ELMO1: variants seen among roughly 807,000 people sequenced by gnomAD.
The protein encoded by ELMO1 is engulfment and cell motility 1, also known as engulfment and cell motility protein 1.
ELMO1 carries 26 observed loss-of-function variants against 98.9 expected under a neutral mutation model. The ratio of observed to expected loss-of-function variants is 0.26; its 90% CI spans 0.19 to 0.36. The LOEUF (loss-of-function observed/expected upper bound fraction) is 0.36, where lower values mean the gene tolerates loss of function less well. ELMO1 is among the 10% of genes least tolerant of loss of function. The pLI, the probability that ELMO1 is intolerant of heterozygous loss-of-function variation, is 1.00. For synonymous variants in ELMO1, 346 were observed against 346.0 expected, an observed-to-expected ratio of 1.00 and a Z score of 0.00; for missense variants, 627 against 935.2, an observed-to-expected ratio of 0.67 and a Z score of 4.30.
At chr7:37,242,859 C>T (rs1794826119) in intron 7 of ELMO1, among the ~76,000 whole-genome samples, 2 of 152,150 alleles carry the variant, frequency 1.3e-5, no homozygotes, top group African/African-American at 4.8e-5. Context: ...AGGCTCTCTG[C>T]CACCCCATGC....
At chr7:37,346,467 G>A (rs1256461725) in intron 1 of ELMO1, among the ~76,000 whole-genome samples, 5 of 152,210 alleles carry the variant, frequency 3.3e-5, no homozygotes, top group Non-Finnish European at 7.3e-5. Flanking sequence ...GACTTGTTAA[G>A]TAATTATAGT....
At chr7:36,892,773 C>T (rs895902623) in intron 17 of ELMO1, among the ~76,000 whole-genome samples, 1 of 152,164 alleles carries the variant, frequency 6.6e-6, no homozygotes, top group Non-Finnish European at 1.5e-5. Flanking sequence ...GTCCCTGGCC[C>T]ACCTGCTTAA....
chr7:37,115,557 T>TA (rs140831801), intron 14 of ELMO1, among the ~76,000 whole-genome samples: 9,913 of 151,188 alleles, frequency 0.066, 314 homozygotes, highest in African/African-American at 0.08. Context: ...TCATTCATGA[T>TA]AAAAAAAAAC....
chr7:37,151,423 G>A (rs548965548), intron 13 of ELMO1, among the ~76,000 whole-genome samples: 39 of 152,234 alleles, frequency 2.6e-4, no homozygotes, highest in African/African-American at 8.4e-4. Flanking sequence ...GCCGGCTCCC[G>A]GTGGTCCCCT....
At chr7:37,225,569 G>T (rs1447680916) in intron 8 of ELMO1, among the ~76,000 whole-genome samples, 2 of 152,148 alleles carry the variant, frequency 1.3e-5, no homozygotes, top group Non-Finnish European at 1.5e-5. Flanking sequence ...TCTCTTAAAC[G>T]AAAAACTCGT....
intron 16 of ELMO1, among the ~76,000 whole-genome samples, chr7:36,913,482 T>A (rs1199205802): frequency 1.3e-5 from 2 of 152,136 alleles, no homozygotes; most frequent in Admixed American, 1.3e-4. Flanking sequence ...GCACACAGAG[T>A]TTGACCAACT....
intron 14 of ELMO1, among the ~76,000 whole-genome samples, chr7:37,117,901 G>A (rs901836584): frequency 3.8e-4 from 58 of 152,090 alleles, no homozygotes; most frequent in African/African-American, 1.4e-3. Flanking sequence ...ATAAAAAAAG[G>A]TTCCTTTACA....
intron 1 of ELMO1, among the ~76,000 whole-genome samples, chr7:37,420,122 A>T (rs1333930181): frequency 6.6e-6 from 1 of 152,196 alleles, no homozygotes; most frequent in Non-Finnish European, 1.5e-5. Context: ...GAGTCAAAGC[A>T]CAGGACGAGT....
chr7:37,418,823 C>T (rs2131524727), intron 1 of ELMO1, among the ~76,000 whole-genome samples: 1 of 152,290 alleles, frequency 6.6e-6, no homozygotes, highest in South Asian at 2.1e-4. Flanking sequence ...CAAACTGCAG[C>T]TTCTGCAGTG....
rs558723825 is a variant in ELMO1 at position 37,079,895 on chromosome 7, T to C, written c.1300+16724A>G. Among the ~76,000 whole-genome samples the C allele has an allele frequency of 3.3e-5, 5 of 152,222 alleles. No homozygotes were observed. The South Asian group carries it at 6.2e-4, about 19-fold the overall frequency. On this transcript the variant is annotated intron_variant, in intron 15 of 21. Coordinates refer to ENST00000310758, the MANE Select transcript of ELMO1 (RefSeq NM_014800.11). ...AGCTTTAACTATTATCTATATACTG[T>C]TGATGCTCAAAGTTACATCTCCAAT...
chr7:37,141,038 C>A (rs1451053998), intron 13 of ELMO1, among the ~76,000 whole-genome samples: 1 of 152,090 alleles, frequency 6.6e-6, no homozygotes, highest in Non-Finnish European at 1.5e-5. Flanking sequence ...TAGGTATTTA[C>A]CCAGAGGAAA....
intron 1 of ELMO1, among the ~76,000 whole-genome samples, chr7:37,408,733 C>A (rs1351179368): frequency 6.6e-6 from 1 of 152,036 alleles, no homozygotes; most frequent in Non-Finnish European, 1.5e-5. Flanking sequence ...ACATAAAATA[C>A]AGTGGTAGTT....
intron 15 of ELMO1, among the ~76,000 whole-genome samples, chr7:37,068,909 T>C (rs1450324458): frequency 6.6e-6 from 1 of 152,172 alleles, no homozygotes; most frequent in Non-Finnish European, 1.5e-5. Flanking sequence ...AGGTGGCTAA[T>C]ACAAAATAAT....
intron 15 of ELMO1, among the ~76,000 whole-genome samples, chr7:37,086,413 C>T (rs905035085): frequency 6.7e-6 from 1 of 149,780 alleles, no homozygotes. Context: ...ACATATGTGG[C>T]AAAATGTTGG....
chr7:36,899,983 G>A (rs2129058291), intron 16 of ELMO1, among the ~76,000 whole-genome samples: 1 of 152,218 alleles, frequency 6.6e-6, no homozygotes, highest in South Asian at 2.1e-4. Context: ...AATTACATAT[G>A]TAAGAAGCTT....
chr7:37,131,388 A>T (rs1361357830), intron 14 of ELMO1, among the ~76,000 whole-genome samples: 1 of 152,188 alleles, frequency 6.6e-6, no homozygotes, highest in Non-Finnish European at 1.5e-5. Context: ...CATGGTATTC[A>T]TTTCACTTAC....
intron 16 of ELMO1, chr7:36,985,033 G>A: frequency 1.0e-6 from 1 of 985,400 alleles, no homozygotes; most frequent in Non-Finnish European, 1.2e-6. Flanking sequence ...CAGGCAAAGA[G>A]TTTCTCGTTC....
intron 16 of ELMO1, among the ~76,000 whole-genome samples, chr7:36,935,175 A>C (rs1584398058): frequency 1.3e-5 from 2 of 152,268 alleles, no homozygotes; most frequent in East Asian, 3.9e-4. Flanking sequence ...GCGCCAGTGA[A>C]TAAGTCTCAC....
At chr7:36,921,583 T>G (rs1156381323) in intron 16 of ELMO1, among the ~76,000 whole-genome samples, 1 of 152,142 alleles carries the variant, frequency 6.6e-6, no homozygotes. Flanking sequence ...CCTTGACAGG[T>G]GGAAGAGGTT....
Sources: allele counts gnomAD v4.1 joint callset (sites outside exome capture counted in the v4.1 genomes callset), GRCh38; gene constraint gnomAD v4.1.1; transcripts MANE v1.5; gene names NCBI Gene and HGNC (gene_info 2026-07-23, HGNC 2026-07-21).